The following WDR62 variants were observed in gnomAD, a reference collection of about 807,000 sequenced individuals.
WDR62 encodes the protein WD repeat domain 62.
In WDR62, 112 loss-of-function variants were observed where a neutral mutation model predicts 160.6. The ratio of observed to expected loss-of-function variants is 0.70; its 90% CI spans 0.60 to 0.82. The LOEUF (loss-of-function observed/expected upper bound fraction) is 0.82. Among genes scored for constraint, WDR62 ranks in the 40% least tolerant of loss-of-function variants. The pLI, the probability that WDR62 is intolerant of heterozygous loss-of-function variation, is 0.00. For missense variants in WDR62, 1,819 were observed against 1,983.8 expected (o/e 0.92, Z 1.58); for synonymous variants, 792 against 815.1 (o/e 0.97, Z 0.48).
chr19:36,084,064 C>G (rs929822713), intron 11 of WDR62, among the ~76,000 whole-genome samples: 4 of 152,106 alleles, frequency 2.6e-5, no homozygotes, highest in Non-Finnish European at 5.9e-5. Context: ...GCTCTTCCCC[C>G]TTGGTGGGCG....
intron 3 of WDR62, among the ~76,000 whole-genome samples, 164 bp from the exon 4 acceptor site, chr19:36,065,794 C>A (rs1042999654): frequency 6.6e-6 from 1 of 152,224 alleles, no homozygotes; most frequent in African/African-American, 2.4e-5. Flanking sequence ...TTGCTGGGCA[C>A]ACCAGCGGCA....
chr19:36,067,336 T>G lies in WDR62; in HGVS notation c.592T>G (p.Ser198Ala). The change falls in exon 6 of 32, where the codon TCT (serine) becomes GCT (alanine). Residue 198 changes from serine (S) to alanine (A), a missense_variant. By Grantham distance (99) the Ser-to-Ala change is moderately conservative (BLOSUM62 1). This residue lies in a region of WDR62 where 934 missense variants were observed against 1,157.2 expected (regional missense o/e 0.81). Transcript: ENST00000401500. ...KDIVVASNKV[S>A]CRVIALSFSE... is the part of the protein sequence containing the mutation. ...CATCGTAGTGGCCTCCAACAAGGTATCTTGTAGAGTCATTGCCCTCTCCTT... is the reference window on the plus strand; with the variant it reads ...CATCGTAGTGGCCTCCAACAAGGTAGCTTGTAGAGTCATTGCCCTCTCCTT... The G allele has an allele frequency of 6.2e-7, 1 of 1,614,212 alleles. No homozygotes were observed. The highest frequency in any genetic ancestry group is 1.6e-4 in the Middle Eastern group (1 of 6,062).
At chr19:36,087,613 T>C (rs1018064760) in intron 13 of WDR62, among the ~76,000 whole-genome samples, 3 of 149,692 alleles carry the variant, frequency 2.0e-5, no homozygotes, top group African/African-American at 7.4e-5. Context: ...AGCTAGGAGT[T>C]TAAGACCAGC....
intron 3 of WDR62, among the ~76,000 whole-genome samples, chr19:36,064,797 C>A (rs979579904): frequency 1.3e-5 from 2 of 151,494 alleles, no homozygotes; most frequent in East Asian, 3.9e-4. Flanking sequence ...AGGCTGTTCG[C>A]GAATTCCTGA....
At chr19:36,077,276 C>CTTT (rs71167590) in intron 9 of WDR62, among the ~76,000 whole-genome samples, 10 of 87,138 alleles carry the variant, frequency 1.1e-4, no homozygotes, top group African/African-American at 3.3e-4. Context: ...TCCTTCCTTC[C>CTTT]TTTTTTTTTT....
chr19:36,097,871 A>G (rs534364436), intron 21 of WDR62, among the ~76,000 whole-genome samples: 1 of 152,102 alleles, frequency 6.6e-6, no homozygotes, highest in African/African-American at 2.4e-5. Flanking sequence ...CAGAGCCAAC[A>G]CTTTGTCTCA....
chr19:36,064,264 G>A (rs1417368198), intron 3 of WDR62, among the ~76,000 whole-genome samples: 6 of 152,074 alleles, frequency 3.9e-5, no homozygotes, highest in African/African-American at 9.7e-5. Flanking sequence ...GTCTCTGAAC[G>A]CCACATTTTT....
rs1403755929 is a variant in WDR62 at position 36,074,624 on chromosome 19, A to G, written c.1233+1093A>G. 1.3e-5 allele frequency among the ~76,000 whole-genome samples: 2 copies of G among 152,094 alleles called. 1 individual carries two copies. Among genetic ancestry groups the G allele is most frequent in the Admixed American group, 1.3e-4 (2 of 15,272 alleles). ...GAGAAATTGGGTTTTCAGTGGCCAG[A>G]TTCAGGATCGTGAGAAAGAACTTTG... On this transcript the variant is annotated intron_variant, in intron 9 of 31. Coordinates refer to ENST00000401500, the MANE Select transcript of WDR62 (RefSeq NM_001083961.2).
intron 13 of WDR62, among the ~76,000 whole-genome samples, chr19:36,087,712 G>A (rs1313967920): frequency 6.6e-6 from 1 of 152,140 alleles, no homozygotes; most frequent in Non-Finnish European, 1.5e-5. Context: ...CCAGCTACTT[G>A]GGAGGCTGAG....
chr19:36,102,795 C>T lies in WDR62; in HGVS notation c.3279C>T (p.Phe1093=), dbSNP rs972085625. 9.3e-6 allele frequency: 15 copies of T among 1,614,114 alleles called. No homozygotes were observed. Among genetic ancestry groups the T allele is most frequent in the Non-Finnish European group, 1.3e-5 (15 of 1,180,052 alleles). The stretch of plus-strand genomic sequence containing the variant: ...CCTCTGAAGCTGAAGACCACTTCTT[C>T]AACCCACGCCTGAGTATCTCCACGC... ...VEASEAEDHF[F]NPRLSISTQF... is the part of the protein sequence containing the mutation. The change falls in exon 27 of 32, where the codon TTC becomes TTT. Residue 1093 remains phenylalanine (F), a synonymous_variant. Transcript: ENST00000401500.
Position 36,083,110 on chromosome 19 carries a change from G to T in WDR62, c.1419G>T (p.Gln473His). ...VYVENDIQHL[Q>H]DMSHFPDRGS... ...TGGAGAATGACATCCAGCACCTGCAGGACATGTCACACTTCCCAGACCGGG... is the reference window on the plus strand; with the variant it reads ...TGGAGAATGACATCCAGCACCTGCATGACATGTCACACTTCCCAGACCGGG... The change falls in exon 11 of 32, where the codon CAG (glutamine) becomes CAT (histidine). Residue 473 changes from glutamine to histidine, a missense_variant. Gln to His is a conservative substitution (Grantham distance 24). Around this residue, in one of 3 missense-constraint regions of WDR62, gnomAD observed 934 missense variants for 1,157.2 expected, o/e 0.81. Coordinates refer to ENST00000401500, the MANE Select transcript of WDR62 (RefSeq NM_001083961.2). The T allele has an allele frequency of 6.2e-7, 1 of 1,613,650 alleles. No homozygotes were observed. The highest frequency in any genetic ancestry group is 8.5e-7 in the Non-Finnish European group (1 of 1,179,822).
rs146455677 is a variant in WDR62, at chr19:36,103,187, T to G, written c.3494T>G (p.Leu1165Arg). The change falls in exon 29 of 32, where the codon CTG (leucine) becomes CGG (arginine). Residue 1165 changes from leucine to arginine, a missense_variant. Leu to Arg is a moderately radical substitution (Grantham distance 102). Coordinates refer to ENST00000401500, the MANE Select transcript of WDR62 (RefSeq NM_001083961.2). ...VLAAGKAEET[L>R]EAWRPPPPCL... Reference sequence around the variant, plus strand: ...GCTGCAGGGAAGGCTGAAGAGACCCTGGAGGCCTGGCGCCCACCACGTGAG... The same window carrying G: ...GCTGCAGGGAAGGCTGAAGAGACCCGGGAGGCCTGGCGCCCACCACGTGAG... 6 of 1,613,954 alleles carry G rather than the reference T, an allele frequency of 3.7e-6. No individual in the cohort carries two copies. The highest frequency in any genetic ancestry group is 5.1e-6 in the Non-Finnish European group (6 of 1,180,004).
chr19:36,092,763 G>A lies in WDR62; in HGVS notation c.2285G>A (p.Arg762Gln), dbSNP rs1355384904. 15 of 1,613,148 alleles carry A rather than the reference G, an allele frequency of 9.3e-6. No individual in the cohort carries two copies. Among genetic ancestry groups the A allele is most frequent in the East Asian group, 2.2e-5 (1 of 44,900 alleles). ...CAGCACTTGCTGGAGATTGACCACC[G>A]GCAGCAGCAGCAGCACACAAATGAC... ...MKQHLLEIDH[R>Q]QQQQHTNDKK... The change falls in exon 19 of 32, where the codon CGG becomes CAG. Residue 762 changes from arginine (R) to glutamine (Q), a missense_variant. By Grantham distance (43) the Arg-to-Gln change is conservative (BLOSUM62 1). Transcript: ENST00000401500.
At chr19:36,060,286 G>A (rs1043105961) in intron 3 of WDR62, 7 of 536,242 alleles carry the variant, frequency 1.3e-5, no homozygotes, top group Middle Eastern at 5.0e-4. Flanking sequence ...ATCATGATCA[G>A]TGCTATGGAG....
In WDR62 at chr19:36,102,866, A is replaced by G; in HGVS notation, c.3335+15A>G. On this transcript the variant is annotated intron_variant, in intron 27 of 31. Transcript: ENST00000401500. Reference sequence around the variant, plus strand: ...AAGGCATCCAGGTAGAAGCTGGCCAAGCACTGCCCACCCTCTGGCTCCTCA... The same window carrying G: ...AAGGCATCCAGGTAGAAGCTGGCCAGGCACTGCCCACCCTCTGGCTCCTCA... 2.5e-6 allele frequency: 4 copies of G among 1,614,134 alleles called. No individual in the cohort carries two copies. The highest frequency in any genetic ancestry group is 3.4e-6 in the Non-Finnish European group (4 of 1,179,970).
rs775357840 is a variant in WDR62, at chr19:36,102,993, GTCTCCAGAGGTCAAGCTCA to G, written c.3383_3401del (p.Ser1128TrpfsTer164). The G allele has an allele frequency of 8.1e-6, 13 of 1,614,054 alleles. No homozygotes were observed. The highest frequency in any genetic ancestry group is 1.1e-5 in the Non-Finnish European group (13 of 1,180,044). ...CCCGGGCAACCCAGTGCCTTGTGAA[GTCTCCAGAGGTCAAGCTCA>G]TGGACCGAGGCGGAAGCCAGCCCAG... On this transcript the variant is annotated frameshift_variant, in exon 28 of 32. Coordinates refer to ENST00000401500, the MANE Select transcript of WDR62 (RefSeq NM_001083961.2). LOFTEE classifies it high-confidence loss of function.
rs11538454 is a variant in WDR62 at position 36,058,788 on chromosome 19, C to A, written c.186C>A (p.Leu62=). 6.2e-7 allele frequency: 1 copy of A among 1,613,840 alleles called. No homozygotes were observed. The highest frequency in any genetic ancestry group is 1.7e-5 in the Admixed American group (1 of 60,002). Reference sequence around the variant, plus strand: ...GGGCTTTTTCTTTGCAGGTGTCACTCGAGAAGGTGCTTGGCATCACAGCCC... The same window carrying A: ...GGGCTTTTTCTTTGCAGGTGTCACTAGAGAAGGTGCTTGGCATCACAGCCC... The part of the protein sequence containing the change: ...SEETVQNRVS[L]EKVLGITAQN... The change falls in exon 2 of 32, where the codon CTC becomes CTA. Residue 62 remains leucine, a synonymous_variant. Coordinates refer to ENST00000401500, the MANE Select transcript of WDR62 (RefSeq NM_001083961.2).
At chr19:36,104,405 G>A (rs1973605504) in intron 30 of WDR62, 113 bp from the exon 31 acceptor site, 1 of 1,376,416 alleles carries the variant, frequency 7.3e-7, no homozygotes, top group Non-Finnish European at 9.9e-7. Context: ...GAGCCTTGGG[G>A]ACCCAGAGAA....
chr19:36,089,799 A>G (rs1294466888), intron 15 of WDR62, among the ~76,000 whole-genome samples: 1 of 152,218 alleles, frequency 6.6e-6, no homozygotes, highest in African/African-American at 2.4e-5. Context: ...CCAGGTCAGC[A>G]GAGGGCTTTC....
Sources: gnomAD v4.1 joint callset for allele counts (sites outside exome capture counted in the v4.1 genomes callset) on GRCh38, gnomAD v4.1.1 for gene constraint, gnomAD v4.1.1 regional missense constraint, MANE v1.5 for transcripts, NCBI Gene and HGNC (gene_info 2026-07-23, HGNC 2026-07-21) for gene names.